CRAMP1: variants seen among roughly 807,000 people sequenced by gnomAD.
CRAMP1 encodes cramped chromatin regulator 1.
In CRAMP1, 50 loss-of-function variants were observed where a neutral mutation model predicts 115.4. The observed-to-expected ratio is 0.43, with a 90% CI of 0.35 to 0.55. The LOEUF (loss-of-function observed/expected upper bound fraction) is 0.55, where lower values mean the gene tolerates loss of function less well. Ranked by LOEUF, CRAMP1 falls within the 20% of genes least tolerant of loss-of-function variation. CRAMP1 has a pLI of 0.01. For synonymous variants in CRAMP1, 866 were observed against 745.4 expected, an observed-to-expected ratio of 1.16 and a Z score of -2.64; for missense variants, 1,679 against 1,721.7, an observed-to-expected ratio of 0.98 and a Z score of 0.44.
chr16:1,652,641 T>C, intron 7 of CRAMP1, 60 bp downstream of exon 7: 9 of 1,434,990 alleles, frequency 6.3e-6, no homozygotes, highest in Non-Finnish European at 8.6e-6. Context: ...CATTCAATGA[T>C]GGGCAGGCTG....
chr16:1,659,027 C>T (rs577087207), intron 10 of CRAMP1, among the ~76,000 whole-genome samples: 1 of 152,220 alleles, frequency 6.6e-6, no homozygotes, highest in Non-Finnish European at 1.5e-5. Flanking sequence ...GTGGCGTGGG[C>T]CTGCACATCC....
At chr16:1,643,640 G>A (rs1202473006) in intron 6 of CRAMP1, among the ~76,000 whole-genome samples, 1 of 152,202 alleles carries the variant, frequency 6.6e-6, no homozygotes, top group Non-Finnish European at 1.5e-5. Context: ...TAGCATGTGT[G>A]CTAGCGCCCC....
rs566075577 is a variant in CRAMP1 at position 1,652,146 on chromosome 16, G to A, written c.828-350G>A. 3.5e-4 allele frequency among the ~76,000 whole-genome samples: 53 copies of A among 152,356 alleles called. 1 individual carries two copies. In the South Asian group the frequency reaches 0.011, roughly 31 times the overall value. On this transcript the variant is annotated intron_variant, in intron 6 of 20. Coordinates refer to ENST00000397412, the MANE Select transcript of CRAMP1 (RefSeq NM_020825.4). Reference sequence around the variant, plus strand: ...GGGAGGACTGCACAGAGCTGGGGCAGTGGAGAGAGGGGTGGCCATCTGAGG... The same window carrying A: ...GGGAGGACTGCACAGAGCTGGGGCAATGGAGAGAGGGGTGGCCATCTGAGG...
chr16:1,618,037 C>T (rs1277314201), intron 2 of CRAMP1, among the ~76,000 whole-genome samples: 2 of 152,224 alleles, frequency 1.3e-5, no homozygotes, highest in Admixed American at 6.5e-5. Context: ...GACCCTGGGA[C>T]GCACTGGAGA....
intron 2 of CRAMP1, among the ~76,000 whole-genome samples, chr16:1,624,807 C>G (rs1345828419): frequency 2.0e-5 from 3 of 152,160 alleles, no homozygotes; most frequent in Non-Finnish European, 4.4e-5. Flanking sequence ...TGGTCTCGAT[C>G]TCTTGACCTC....
intron 2 of CRAMP1, among the ~76,000 whole-genome samples, chr16:1,620,059 G>T (rs1396738552): frequency 6.6e-6 from 1 of 152,192 alleles, no homozygotes; most frequent in Non-Finnish European, 1.5e-5. Flanking sequence ...CATCCGAGAT[G>T]ACACCTTGCC....
intron 2 of CRAMP1, among the ~76,000 whole-genome samples, chr16:1,621,970 G>A (rs752083420): frequency 9.9e-5 from 15 of 152,046 alleles, no homozygotes; most frequent in Non-Finnish European, 1.9e-4. Context: ...TTGCTTCTCT[G>A]TCTTCCCCTT....
Position 1,645,410 on chromosome 16 carries a change from A to T in CRAMP1, c.827+4223A>T. On this transcript the variant is annotated intron_variant, in intron 6 of 20. Coordinates refer to ENST00000397412, the MANE Select transcript of CRAMP1 (RefSeq NM_020825.4). ...ACCATGTTGGCCAGGCTGGTCTTGA[A>T]CTCTCGACCTCAGGTTATCCTCCCA... 1.5e-5 allele frequency: 3 copies of T among 205,404 alleles called. No individual in the cohort carries two copies. In the South Asian group the frequency reaches 1.6e-4, roughly 11 times the overall value. 12.7% of individuals were successfully genotyped at this position (205,404 alleles called of 1,614,324 possible). A position where few individuals can be genotyped will look rare whatever the true frequency, so the allele number is the denominator to read the frequency against.
Position 1,662,845 on chromosome 16 carries a change from T to C in CRAMP1, c.2670+10T>C. On this transcript the variant is annotated intron_variant, in intron 13 of 20. Coordinates refer to ENST00000397412, the MANE Select transcript of CRAMP1 (RefSeq NM_020825.4). The stretch of plus-strand genomic sequence containing the variant: ...GCCACTGGTGGTCCAGGTCAGGGTC[T>C]TCTCAAGTCTGAACGTGTGGCCTCG... The C allele has an allele frequency of 6.2e-7, 1 of 1,612,476 alleles. No individual in the cohort carries two copies. The highest frequency in any genetic ancestry group is 1.7e-5 in the Admixed American group (1 of 59,928).
intron 6 of CRAMP1, among the ~76,000 whole-genome samples, chr16:1,644,594 G>A (rs1005770200): frequency 2.0e-5 from 3 of 152,292 alleles, no homozygotes; most frequent in Non-Finnish European, 4.4e-5. Flanking sequence ...TTAGGGAAGC[G>A]ATCAGGGGCC....
chr16:1,655,593 A>G (rs1352318444), intron 9 of CRAMP1, among the ~76,000 whole-genome samples: 1 of 152,184 alleles, frequency 6.6e-6, no homozygotes, highest in Non-Finnish European at 1.5e-5. Flanking sequence ...AGGTTGAGCA[A>G]AACGACCAAG....
At chr16:1,667,452 C>CCAGTGCCCTGAGCTGCCACCTG in intron 17 of CRAMP1, 52 bp downstream of exon 17, 1 of 1,450,978 alleles carries the variant, frequency 6.9e-7, no homozygotes, top group Non-Finnish European at 9.6e-7. Context: ...AGGACTCCCT[C>CCAGTGCCCTGAGCTGCCACCTG]CAGTGCCCTG....
At chr16:1,635,814 C>T (rs543270913) in intron 4 of CRAMP1, among the ~76,000 whole-genome samples, 12 of 152,184 alleles carry the variant, frequency 7.9e-5, no homozygotes, top group Non-Finnish European at 1.8e-4. Flanking sequence ...CCCTGTGCCC[C>T]GGTGCTGGGA....
intron 3 of CRAMP1, among the ~76,000 whole-genome samples, chr16:1,630,687 T>C (rs2036542371): frequency 6.6e-6 from 1 of 152,226 alleles, no homozygotes; most frequent in African/African-American, 2.4e-5. Flanking sequence ...CCTCAGTCTC[T>C]TGTAACCTGG....
At chr16:1,662,878 G>C in intron 13 of CRAMP1, 43 bp downstream of exon 13, 2 of 1,521,034 alleles carry the variant, frequency 1.3e-6, no homozygotes, top group Non-Finnish European at 1.8e-6. Flanking sequence ...TCGTGGCTGG[G>C]CCAACCAGGA....
At chr16:1,648,754 G>T (rs1205206715) in intron 6 of CRAMP1, among the ~76,000 whole-genome samples, 2 of 152,038 alleles carry the variant, frequency 1.3e-5, no homozygotes, top group African/African-American at 2.4e-5. Context: ...GCTGGGTTAA[G>T]GTGGTTTAAG....
At chr16:1,662,439 C>T in intron 11 of CRAMP1, 51 bp from the exon 12 acceptor site, 2 of 1,443,992 alleles carry the variant, frequency 1.4e-6, no homozygotes, top group Non-Finnish European at 1.9e-6. Context: ...TGACCCTGGA[C>T]CTGTTGCTAG....
At chr16:1,641,085 G>A in intron 5 of CRAMP1, 54 bp from the exon 6 acceptor site, 1 of 1,236,946 alleles carries the variant, frequency 8.1e-7, no homozygotes, top group Non-Finnish European at 1.2e-6. Flanking sequence ...AATCTTCAGT[G>A]GCTTTGCTCC....
Position 1,659,952 on chromosome 16 carries a change from C to T in CRAMP1, c.2302C>T (p.Pro768Ser). The T allele has an allele frequency of 1.9e-6, 3 of 1,611,180 alleles. No individual in the cohort carries two copies. Among genetic ancestry groups the T allele is most frequent in the Non-Finnish European group, 2.5e-6 (3 of 1,179,756 alleles). ...RPAQEEQSMT[P>S]PGKVVTVSSR... ...CGCCCAGGAGGAGCAGTCGATGACG[C>T]CCCCAGGGAAGGTGGTGACCGTCAG... is the stretch of plus-strand genomic sequence containing the variant. The change falls in exon 11 of 21, where the codon CCC becomes TCC. Residue 768 changes from proline (P) to serine (S), a missense_variant. Pro to Ser is a moderately conservative substitution (Grantham distance 74). This residue lies in a region of CRAMP1 where 709 missense variants were observed against 741.9 expected (regional missense o/e 0.96). Transcript: ENST00000397412.
Sources: gnomAD v4.1 joint callset for allele counts (sites outside exome capture counted in the v4.1 genomes callset) on GRCh38, gnomAD v4.1.1 for gene constraint, gnomAD v4.1.1 regional missense constraint, MANE v1.5 for transcripts, NCBI Gene and HGNC (gene_info 2026-07-23, HGNC 2026-07-21) for gene names.